The following MRPL45 variants were observed in gnomAD, a reference collection of about 807,000 sequenced individuals.
MRPL45 encodes the protein mitochondrial ribosomal protein L45.
In MRPL45, 20 loss-of-function variants were observed where a neutral mutation model predicts 38.1. That is an observed-to-expected ratio of 0.53 (90% CI 0.37 to 0.76). The LOEUF is 0.76. Ranked by LOEUF, MRPL45 falls within the 30% of genes least tolerant of loss-of-function variation. The pLI is 0.00. For missense variants in MRPL45, 337 were observed against 395.6 expected (o/e 0.85, Z 1.26); for synonymous variants, 105 against 128.8 (o/e 0.82, Z 1.25).
chr17:38,312,099 TGTA>T (rs61402654), intron 4 of MRPL45, among the ~76,000 whole-genome samples: 1,564 of 150,334 alleles, frequency 0.01, 30 homozygotes, highest in African/African-American at 0.036. Context: ...CAGGCTGGAG[TGTA>T]ATGGCTCGAT....
rs559859866 is a variant in MRPL45 at position 38,322,632 on chromosome 17, G to A, written c.*37G>A. ...ACTTCTAGGGTGAAGCCTGGGTGAT[G>A]AGGCTGCTGGAAGCTTTGAAGTCTC... is the stretch of plus-strand genomic sequence containing the variant. On this transcript the variant is annotated 3_prime_UTR_variant, in exon 8 of 8. Coordinates refer to ENST00000613675, the MANE Select transcript of MRPL45 (RefSeq NM_032351.6). The A allele has an allele frequency of 2.6e-6, 4 of 1,529,424 alleles. No homozygotes were observed. The African/African-American group carries it at 4.1e-5, about 16-fold the overall frequency. The allele number at this position is 1,529,424 out of a possible 1,614,324, so 94.7% of individuals were successfully genotyped here.
rs189379551 is a variant in MRPL45, at chr17:38,308,873, A to G, written c.461+2242A>G. Among the ~76,000 whole-genome samples, 1,152 of 140,416 alleles carry G rather than the reference A, an allele frequency of 8.2e-3. 15 individuals carry two copies. Among genetic ancestry groups the G allele is most frequent in the African/African-American group, 0.029 (1,078 of 37,562 alleles). 92.1% of individuals were successfully genotyped at this position (140,416 alleles called of 152,430 possible). ...TGAGAAATTAACTTTTTTTTTTTTC[A>G]TTTTGTTAAAGTTTATTTTTACTTT... is the stretch of plus-strand genomic sequence containing the variant. On this transcript the variant is annotated intron_variant, in intron 4 of 7. Transcript: ENST00000613675.
intron 4 of MRPL45, among the ~76,000 whole-genome samples, chr17:38,314,261 T>C (rs1597653350): frequency 6.6e-6 from 1 of 152,152 alleles, no homozygotes; most frequent in Admixed American, 6.5e-5. Context: ...TGCGCCACCA[T>C]GCCTGGCTAA....
intron 4 of MRPL45, among the ~76,000 whole-genome samples, chr17:38,315,478 A>T (rs932669395): frequency 6.7e-6 from 1 of 149,404 alleles, no homozygotes; most frequent in African/African-American, 2.5e-5. Context: ...TTTGTTGCCC[A>T]GGCTGGTCTC....
In MRPL45 at chr17:38,306,597, G is replaced by A. The variant is rs777142127; in HGVS notation, c.427G>A (p.Asp143Asn). 12 of 1,613,174 alleles carry A rather than the reference G, an allele frequency of 7.4e-6. No individual in the cohort carries two copies. ...AAAGGACTTCCCTGAAAAAGCTAAGGATATCTTTATTGAAGCTCACCTTTG... is the reference window on the plus strand; with the variant it reads ...AAAGGACTTCCCTGAAAAAGCTAAGAATATCTTTATTGAAGCTCACCTTTG... ...KIKDFPEKAK[D>N]IFIEAHLCLN... The change falls in exon 4 of 8, where the codon GAT becomes AAT. Residue 143 changes from aspartate (D) to asparagine (N), a missense_variant. Coordinates refer to ENST00000613675, the MANE Select transcript of MRPL45 (RefSeq NM_032351.6).
Position 38,317,133 on chromosome 17 carries a change from A to G in MRPL45, c.462-1554A>G, listed in dbSNP as rs187192785. ...ATTTCTAAATGTTTATAGTAGAAGTAGTATTACATTATTGCAAAATAGTAA... is the reference window on the plus strand; with the variant it reads ...ATTTCTAAATGTTTATAGTAGAAGTGGTATTACATTATTGCAAAATAGTAA... On this transcript the variant is annotated intron_variant, in intron 4 of 7. Coordinates refer to ENST00000613675, the MANE Select transcript of MRPL45 (RefSeq NM_032351.6). Among the ~76,000 whole-genome samples, 994 of 152,240 alleles carry G rather than the reference A, an allele frequency of 6.5e-3. 7 individuals are homozygous for G. The highest frequency in any genetic ancestry group is 0.041 in the Middle Eastern group (12 of 294).
At chr17:38,318,206 C>CAAA (rs1163303123) in intron 4 of MRPL45, among the ~76,000 whole-genome samples, 9 of 57,640 alleles carry the variant, frequency 1.6e-4, no homozygotes, top group African/African-American at 3.1e-4. Context: ...GACTCTGTCT[C>CAAA]AAAAAAAAAA....
intron 4 of MRPL45, among the ~76,000 whole-genome samples, chr17:38,311,322 T>G (rs145330950): frequency 6.6e-6 from 1 of 152,044 alleles, no homozygotes; most frequent in Admixed American, 6.6e-5. Flanking sequence ...GTATAGGCTG[T>G]GGGGGGCCCT....
At chr17:38,311,754 AG>A (rs1220458589) in intron 4 of MRPL45, among the ~76,000 whole-genome samples, 2 of 151,664 alleles carry the variant, frequency 1.3e-5, no homozygotes, top group Non-Finnish European at 2.9e-5. Flanking sequence ...CGACACAGCA[AG>A]AAGTCAACAT....
At chr17:38,307,846 T>TA (rs149162721) in intron 4 of MRPL45, among the ~76,000 whole-genome samples, 6 of 151,890 alleles carry the variant, frequency 4.0e-5, no homozygotes, top group African/African-American at 1.5e-4. Context: ...TTTATTTCTT[T>TA]AAAAAAAATT....
intron 4 of MRPL45, among the ~76,000 whole-genome samples, chr17:38,316,529 G>A (rs1313216901): frequency 1.3e-5 from 2 of 151,580 alleles, no homozygotes; most frequent in Non-Finnish European, 2.9e-5. Context: ...TTATTTTTTG[G>A]TCAGGTGTGG....
intron 5 of MRPL45, among the ~76,000 whole-genome samples, chr17:38,319,133 T>A (rs1260234605): frequency 6.6e-6 from 1 of 151,930 alleles, no homozygotes; most frequent in Non-Finnish European, 1.5e-5. Context: ...CCTCCCGGGT[T>A]CACGCCATTC....
At chr17:38,307,426 C>T (rs1030786302) in intron 4 of MRPL45, among the ~76,000 whole-genome samples, 1 of 151,776 alleles carries the variant, frequency 6.6e-6, no homozygotes, top group East Asian at 1.9e-4. Context: ...ACCTCCTGGA[C>T]CCAAGTGGTT....
At chr17:38,321,993 C>T (rs1003008306) in intron 6 of MRPL45, 133 bp from the exon 7 acceptor site, 5 of 874,842 alleles carry the variant, frequency 5.7e-6, no homozygotes, top group Non-Finnish European at 8.9e-6. Context: ...GATCATGCCA[C>T]TGCACTCCAG....
At chr17:38,316,608 A>T (rs2037174846) in intron 4 of MRPL45, among the ~76,000 whole-genome samples, 1 of 151,904 alleles carries the variant, frequency 6.6e-6, no homozygotes, top group Non-Finnish European at 1.5e-5. Context: ...CAGGAGTTCG[A>T]GACCAGCCTG....
intron 4 of MRPL45, among the ~76,000 whole-genome samples, chr17:38,312,983 G>GTT (rs1555561920): frequency 3.1e-4 from 21 of 66,814 alleles, no homozygotes; most frequent in Admixed American, 7.3e-4. Flanking sequence ...CCTTTTTATT[G>GTT]GTTTTTTTTT....
At chr17:38,321,779 C>T (rs976681903) in intron 6 of MRPL45, among the ~76,000 whole-genome samples, 2 of 152,020 alleles carry the variant, frequency 1.3e-5, no homozygotes, top group African/African-American at 4.8e-5. Context: ...GCCTGTAATC[C>T]CAGCACTTTG....
Position 38,297,204 on chromosome 17 carries a change from A to G in MRPL45, c.21A>G (p.Gln7=), listed in dbSNP as rs748622937. 2.5e-6 allele frequency: 4 copies of G among 1,614,098 alleles called. No homozygotes were observed. The South Asian group carries it at 4.4e-5, about 18-fold the overall frequency. ...ACAAGATGGCAGCCCCCATACCTCAAGGGTTCTCTTGTTTATCGAGGTTTT... is the reference window on the plus strand; with the variant it reads ...ACAAGATGGCAGCCCCCATACCTCAGGGGTTCTCTTGTTTATCGAGGTTTT... MAAPIP[Q]GFSCLSRFLG... Residue 7 remains glutamine, a synonymous_variant, in exon 1 of 8, where the codon CAA becomes CAG. Coordinates refer to ENST00000613675, the MANE Select transcript of MRPL45 (RefSeq NM_032351.6).
chr17:38,309,508 C>A, intron 4 of MRPL45, among the ~76,000 whole-genome samples: 3 of 140,088 alleles, frequency 2.1e-5, no homozygotes, highest in South Asian at 2.3e-4. Flanking sequence ...GACAACAGAG[C>A]AAAACTCCGT....
Sources: gnomAD v4.1 joint callset for allele counts (sites outside exome capture counted in the v4.1 genomes callset) on GRCh38, gnomAD v4.1.1 for gene constraint, MANE v1.5 for transcripts, NCBI Gene and HGNC (gene_info 2026-07-23, HGNC 2026-07-21) for gene names.